PDCD1: variants seen among roughly 807,000 people sequenced by gnomAD.
PDCD1 encodes programmed cell death protein 1.
PDCD1 carries 10 observed loss-of-function variants against 23.6 expected under a neutral mutation model. The observed-to-expected ratio is 0.42, with a 90% CI of 0.26 to 0.72. The LOEUF (loss-of-function observed/expected upper bound fraction) is 0.72, where lower values mean the gene tolerates loss of function less well. Among genes scored for constraint, PDCD1 ranks in the 30% least tolerant of loss-of-function variants. The probability of loss-of-function intolerance (pLI) is 0.24; values close to 1 mark genes in which losing one functional copy is unlikely to be tolerated. For missense variants in PDCD1, 313 were observed against 397.8 expected (o/e 0.79, Z 1.81); for synonymous variants, 168 against 169.3 (o/e 0.99, Z 0.06).
intron 1 of PDCD1, among the ~76,000 whole-genome samples, chr2:241,857,377 C>T (rs748493301): frequency 1.6e-4 from 24 of 152,164 alleles, no homozygotes; most frequent in Non-Finnish European, 2.6e-4. Context: ...TGTCAGGCTG[C>T]GGACACCTTG....
intron 1 of PDCD1, among the ~76,000 whole-genome samples, chr2:241,856,962 C>T (rs890996674): frequency 1.3e-5 from 2 of 152,256 alleles, no homozygotes; most frequent in Non-Finnish European, 1.5e-5. Flanking sequence ...GGGCCAAGTC[C>T]TGTCGAAGGC....
At position 241,849,886 on chromosome 2, in the gene PDCD1, A is replaced by G. The variant is rs1700867887; in HGVS notation, c.*1172T>C. On this transcript the variant is annotated 3_prime_UTR_variant, in exon 5 of 5. Coordinates refer to ENST00000334409, the MANE Select transcript of PDCD1 (RefSeq NM_005018.3). ...GCCACCAGACAGGACAGAACTCCTT[A>G]GCATGCTCTCATATTTAATTATAAT... is the stretch of plus-strand genomic sequence containing the variant. 1 of 179,514 alleles carries G rather than the reference A, an allele frequency of 5.6e-6. No homozygotes were observed. The highest frequency in any genetic ancestry group is 1.2e-5 in the Non-Finnish European group (1 of 83,816). 11.1% of individuals were successfully genotyped at this position (179,514 alleles called of 1,614,324 possible).
chr2:241,855,603 G>C (rs1701004952), intron 1 of PDCD1, among the ~76,000 whole-genome samples: 1 of 152,158 alleles, frequency 6.6e-6, no homozygotes, highest in South Asian at 2.1e-4. Flanking sequence ...GAACAGGCCT[G>C]TGAGGTGGCG....
At chr2:241,855,167 C>T (rs947249972) in intron 1 of PDCD1, among the ~76,000 whole-genome samples, 7 of 151,702 alleles carry the variant, frequency 4.6e-5, no homozygotes, top group African/African-American at 1.7e-4. Flanking sequence ...GCAGGTCCAG[C>T]TGGGCCCCTC....
At chr2:241,857,113 C>T (rs1701042709) in intron 1 of PDCD1, among the ~76,000 whole-genome samples, 1 of 152,194 alleles carries the variant, frequency 6.6e-6, no homozygotes. Context: ...AAGGGAAGCA[C>T]ACACCTGAGG....
Position 241,849,977 on chromosome 2 carries a change from G to A in PDCD1, c.*1081C>T, listed in dbSNP as rs1284950933. 6 of 216,808 alleles carry A rather than the reference G, an allele frequency of 2.8e-5. No individual in the cohort carries two copies. Among genetic ancestry groups the A allele is most frequent in the South Asian group, 1.9e-4 (1 of 5,390 alleles). 13.4% of individuals were successfully genotyped at this position (216,808 alleles called of 1,614,324 possible). A position where few individuals can be genotyped will look rare whatever the true frequency, so the allele number is the denominator to read the frequency against. On this transcript the variant is annotated 3_prime_UTR_variant, in exon 5 of 5. Transcript: ENST00000334409. ...CCAGCCACTCAGGTGCCTGCTGGCC[G>A]CCTGGATGCTGGTGGCCCTGCCCCA... is the stretch of plus-strand genomic sequence containing the variant.
intron 2 of PDCD1, 97 bp downstream of exon 2, chr2:241,852,524 G>T: frequency 7.0e-7 from 1 of 1,437,968 alleles, no homozygotes; most frequent in Non-Finnish European, 9.4e-7. Context: ...GGGGGTCCCT[G>T]CCCTACGACC....
intron 1 of PDCD1, among the ~76,000 whole-genome samples, chr2:241,857,945 C>G (rs898609376): frequency 1.5e-5 from 2 of 135,124 alleles, no homozygotes; most frequent in African/African-American, 2.7e-5. Flanking sequence ...TGGCTGGGCA[C>G]AGAGGGCCAG....
At position 241,858,748 on chromosome 2, in the gene PDCD1, G is replaced by T; in HGVS notation, c.76+15C>A. ...ACCCCTGGCTCTGGGACACCTGACC[G>T]CCGACCCCACCTACCTAAGAACCAT... is the stretch of plus-strand genomic sequence containing the variant. On this transcript the variant is annotated intron_variant, in intron 1 of 4. Coordinates refer to ENST00000334409, the MANE Select transcript of PDCD1 (RefSeq NM_005018.3). 2 of 1,576,588 alleles carry T rather than the reference G, an allele frequency of 1.3e-6. No individual in the cohort carries two copies. The highest frequency in any genetic ancestry group is 1.7e-6 in the Non-Finnish European group (2 of 1,161,332).
In PDCD1 at chr2:241,855,845, C is replaced by A. The variant is rs73109784; in HGVS notation, c.77-2865G>T. Reference sequence around the variant, plus strand: ...GGGTGAGGAGTGAGGTCTTCCAACTCCTCACAGTCGTGTGTGTGTGTGGAG... The same window carrying A: ...GGGTGAGGAGTGAGGTCTTCCAACTACTCACAGTCGTGTGTGTGTGTGGAG... On this transcript the variant is annotated intron_variant, in intron 1 of 4. Transcript: ENST00000334409. 5.4e-3 allele frequency among the ~76,000 whole-genome samples: 815 copies of A among 152,292 alleles called. 7 individuals carry two copies. The highest frequency in any genetic ancestry group is 0.018 in the African/African-American group (740 of 41,550).
In PDCD1 at chr2:241,850,663, T is replaced by C. The variant is rs1700880142; in HGVS notation, c.*395A>G. ...AGGCCATCTCCAACCAGCCCCCAAGTTCAGGCAGGAGGCTCCGGGGCGTCA... is the reference window on the plus strand; with the variant it reads ...AGGCCATCTCCAACCAGCCCCCAAGCTCAGGCAGGAGGCTCCGGGGCGTCA... On this transcript the variant is annotated 3_prime_UTR_variant, in exon 5 of 5. Coordinates refer to ENST00000334409, the MANE Select transcript of PDCD1 (RefSeq NM_005018.3). The C allele has an allele frequency of 2.1e-6, 1 of 486,048 alleles. No homozygotes were observed. Among genetic ancestry groups the C allele is most frequent in the African/African-American group, 1.9e-5 (1 of 52,144 alleles). 30.1% of individuals were successfully genotyped at this position (486,048 alleles called of 1,614,324 possible). A position where few individuals can be genotyped will look rare whatever the true frequency, so the allele number is the denominator to read the frequency against.
intron 1 of PDCD1, among the ~76,000 whole-genome samples, chr2:241,856,267 CA>C (rs1186245194): frequency 6.6e-6 from 1 of 152,106 alleles, no homozygotes; most frequent in African/African-American, 2.4e-5. Flanking sequence ...CAGAGCCCCT[CA>C]GAGCACAGGG....
chr2:241,853,853 G>T (rs765503240), intron 1 of PDCD1, among the ~76,000 whole-genome samples: 2 of 152,272 alleles, frequency 1.3e-5, no homozygotes, highest in Non-Finnish European at 2.9e-5. Flanking sequence ...CATGGCGCCA[G>T]CCCCACACTG....
In PDCD1 at chr2:241,851,981, T is replaced by A; in HGVS notation, c.595A>T (p.Thr199Ser). 1.2e-6 allele frequency: 2 copies of A among 1,613,000 alleles called. No individual in the cohort carries two copies. The highest frequency in any genetic ancestry group is 1.7e-6 in the Non-Finnish European group (2 of 1,179,770). The change falls in exon 4 of 5, where the codon ACA becomes TCA. Residue 199 changes from threonine (T) to serine (S), a missense_variant and splice_region_variant. Physicochemically the swap from Thr to Ser is moderately conservative, Grantham distance 58. Transcript: ENST00000334409. ...TGGCCGGTGCGCCTGGCTCCTATTGTCCCTGCAGAGAAACACACTTGGGGT... is the reference window on the plus strand; with the variant it reads ...TGGCCGGTGCGCCTGGCTCCTATTGACCCTGCAGAGAAACACACTTGGGGT... ...AVICSRAARG[T>S]IGARRTGQPL...
intron 1 of PDCD1, among the ~76,000 whole-genome samples, chr2:241,855,846 C>T (rs1158056839): frequency 6.6e-6 from 1 of 152,178 alleles, no homozygotes; most frequent in African/African-American, 2.4e-5. Context: ...CTTCCAACTC[C>T]TCACAGTCGT....
chr2:241,857,269 G>T (rs1029622494), intron 1 of PDCD1, among the ~76,000 whole-genome samples: 1 of 152,210 alleles, frequency 6.6e-6, no homozygotes, highest in Non-Finnish European at 1.5e-5. Flanking sequence ...TGCCCACTGC[G>T]CCTTGCTGAG....
At chr2:241,857,858 A>G (rs1701059270) in intron 1 of PDCD1, among the ~76,000 whole-genome samples, 1 of 152,064 alleles carries the variant, frequency 6.6e-6, no homozygotes, top group Non-Finnish European at 1.5e-5. Context: ...GGTACCCAGC[A>G]GGGCCCAGAG....
chr2:241,852,512 T>TG (rs1172151482), intron 2 of PDCD1, 109 bp downstream of exon 2: 3 of 1,362,098 alleles, frequency 2.2e-6, no homozygotes, highest in Non-Finnish European at 3.0e-6. Flanking sequence ...GGACTGGAGC[T>TG]GGGGGGTCCC....
At position 241,851,289 on chromosome 2, in the gene PDCD1, G is replaced by T. The variant is rs1344451908; in HGVS notation, c.636C>A (p.Asp212Glu). The T allele has an allele frequency of 3.1e-6, 5 of 1,607,286 alleles. No homozygotes were observed. Among genetic ancestry groups the T allele is most frequent in the Non-Finnish European group, 4.3e-6 (5 of 1,175,724 alleles). ...ARRTGQPLKE[D>E]PSAVPVFSVD... ...CAGAGAACACAGGCACGGCTGAGGGGTCCTCCTTCTTTGAGGAGAAAGGGA... is the reference window on the plus strand; with the variant it reads ...CAGAGAACACAGGCACGGCTGAGGGTTCCTCCTTCTTTGAGGAGAAAGGGA... The change falls in exon 5 of 5, where the codon GAC becomes GAA. Residue 212 changes from aspartate (D) to glutamate (E), a missense_variant. Asp to Glu is a conservative substitution (Grantham distance 45). This residue lies in a region of PDCD1 where 158 missense variants were observed against 177.5 expected (regional missense o/e 0.89). Coordinates refer to ENST00000334409, the MANE Select transcript of PDCD1 (RefSeq NM_005018.3).
Sources: gnomAD v4.1 joint callset for allele counts (sites outside exome capture counted in the v4.1 genomes callset) on GRCh38, gnomAD v4.1.1 for gene constraint, gnomAD v4.1.1 regional missense constraint, MANE v1.5 for transcripts, NCBI Gene and HGNC (gene_info 2026-07-23, HGNC 2026-07-21) for gene names.